The following CADPS variants were observed in gnomAD, a reference collection of about 807,000 sequenced individuals.
The protein encoded by CADPS is calcium-dependent secretion activator 1.
A neutral mutation model predicts 167.3 loss-of-function variants in CADPS; 57 were observed. The ratio of observed to expected loss-of-function variants is 0.34; its 90% confidence interval spans 0.28 to 0.42. CADPS has a LOEUF of 0.42. CADPS is among the 20% of genes least tolerant of loss of function. The pLI is 1.00. For missense variants in CADPS, 1,414 were observed against 1,738.1 expected, an observed-to-expected ratio of 0.81 and a Z score of 3.32; for synonymous variants, 676 against 635.3, an observed-to-expected ratio of 1.06 and a Z score of -0.96.
chr3:62,785,799 T>C (rs962675431), intron 1 of CADPS, among the ~76,000 whole-genome samples: 1 of 151,928 alleles, frequency 6.6e-6, no homozygotes, highest in Non-Finnish European at 1.5e-5. Flanking sequence ...CACTGAACCA[T>C]GACCTGTGCA....
intron 5 of CADPS, among the ~76,000 whole-genome samples, chr3:62,646,820 A>G (rs1047895880): frequency 6.6e-6 from 1 of 152,210 alleles, no homozygotes; most frequent in African/African-American, 2.4e-5. Flanking sequence ...AATGCTGACA[A>G]TAATTCAAAT....
chr3:62,608,829 T>C (rs1196114027), intron 6 of CADPS, among the ~76,000 whole-genome samples: 2 of 152,158 alleles, frequency 1.3e-5, no homozygotes, highest in African/African-American at 4.8e-5. Flanking sequence ...TTTGAAGGCT[T>C]ACCAACTGAT....
intron 3 of CADPS, among the ~76,000 whole-genome samples, chr3:62,670,002 TAGAG>T (rs2075222350): frequency 6.6e-6 from 1 of 152,164 alleles, no homozygotes; most frequent in Non-Finnish European, 1.5e-5. Context: ...TAGCTCGAGA[TAGAG>T]GGAATAATCC....
chr3:62,517,103 C>CTGCT (rs2069177230), intron 14 of CADPS, among the ~76,000 whole-genome samples: 1 of 152,148 alleles, frequency 6.6e-6, no homozygotes, highest in Non-Finnish European at 1.5e-5. Flanking sequence ...CTATCCTTCC[C>CTGCT]TGCTTGCGGT....
At chr3:62,506,668 G>A (rs966124293) in intron 17 of CADPS, among the ~76,000 whole-genome samples, 2 of 152,128 alleles carry the variant, frequency 1.3e-5, no homozygotes, top group African/African-American at 4.8e-5. Context: ...TTATTTTGGT[G>A]GGACTTCCAA....
chr3:62,531,661 G>C (rs1344724841), intron 13 of CADPS, among the ~76,000 whole-genome samples: 1 of 152,196 alleles, frequency 6.6e-6, no homozygotes, highest in Non-Finnish European at 1.5e-5. Context: ...AGCGACTTTT[G>C]CATCTGAGGC....
At chr3:62,715,891 A>G (rs6799571) in intron 3 of CADPS, among the ~76,000 whole-genome samples, 91,177 of 146,432 alleles carry the variant, frequency 0.62, 29,001 homozygotes, top group East Asian at 0.76. Context: ...AACTACAGGC[A>G]CCCGCCACCA....
At chr3:62,718,801 G>A (rs1358651012) in intron 3 of CADPS, among the ~76,000 whole-genome samples, 3 of 152,220 alleles carry the variant, frequency 2.0e-5, no homozygotes, top group South Asian at 2.1e-4. Flanking sequence ...GCACTGCTGT[G>A]CGTGGATATC....
At chr3:62,576,853 C>A (rs1460176159) in intron 8 of CADPS, among the ~76,000 whole-genome samples, 2 of 133,766 alleles carry the variant, frequency 1.5e-5, no homozygotes, top group Admixed American at 7.7e-5. Flanking sequence ...ATTTTGGGTG[C>A]ACATCTGTTG....
intron 1 of CADPS, among the ~76,000 whole-genome samples, chr3:62,794,446 A>G (rs1469106857): frequency 6.6e-6 from 1 of 152,182 alleles, no homozygotes. Flanking sequence ...AAATACACAT[A>G]TATTTAGTAA....
chr3:62,797,112 A>G (rs1313814334), intron 1 of CADPS, among the ~76,000 whole-genome samples: 1 of 152,192 alleles, frequency 6.6e-6, no homozygotes, highest in Non-Finnish European at 1.5e-5. Flanking sequence ...TGTATTATCC[A>G]ACCCAAAAGT....
At chr3:62,873,597 C>T (rs908910884) in intron 1 of CADPS, among the ~76,000 whole-genome samples, 1 of 148,654 alleles carries the variant, frequency 6.7e-6, no homozygotes, top group Non-Finnish European at 1.5e-5. Flanking sequence ...AGCTAAAGAA[C>T]AGCTGATAGA....
intron 3 of CADPS, among the ~76,000 whole-genome samples, chr3:62,731,377 A>G (rs748327216): frequency 1.3e-5 from 2 of 152,184 alleles, no homozygotes; most frequent in Non-Finnish European, 1.5e-5. Context: ...CTTTGGAGGT[A>G]TAAAGAAGTC....
At chr3:62,401,692 C>T (rs1283158255) in intron 29 of CADPS, among the ~76,000 whole-genome samples, 1 of 151,120 alleles carries the variant, frequency 6.6e-6, no homozygotes, top group East Asian at 1.9e-4. Flanking sequence ...GTTCCTTTGG[C>T]AGTGACTTTT....
chr3:62,484,484 T>C (rs941455349), intron 21 of CADPS, among the ~76,000 whole-genome samples: 3 of 152,186 alleles, frequency 2.0e-5, no homozygotes, highest in African/African-American at 7.2e-5. Context: ...AGAATCATAA[T>C]TGGATATCTC....
chr3:62,622,735 G>C (rs1055628115), intron 6 of CADPS, among the ~76,000 whole-genome samples: 3 of 150,850 alleles, frequency 2.0e-5, no homozygotes, highest in Admixed American at 2.0e-4. Flanking sequence ...AACCCAGGAG[G>C]AAAAAAAAAG....
chr3:62,659,587 A>G (rs1412832924), intron 4 of CADPS, among the ~76,000 whole-genome samples: 3 of 152,184 alleles, frequency 2.0e-5, no homozygotes, highest in Admixed American at 2.0e-4. Flanking sequence ...TCTTTTCCCT[A>G]TATGGAAGAA....
At chr3:62,700,783 G>A (rs1362826290) in intron 3 of CADPS, among the ~76,000 whole-genome samples, 1 of 152,112 alleles carries the variant, frequency 6.6e-6, no homozygotes, top group Non-Finnish European at 1.5e-5. Flanking sequence ...ACTCAAGGCT[G>A]CACAGTTAGT....
chr3:62,703,211 A>G (rs904873815), intron 3 of CADPS, among the ~76,000 whole-genome samples: 2 of 152,166 alleles, frequency 1.3e-5, no homozygotes, highest in African/African-American at 4.8e-5. Flanking sequence ...TACGCCCTTC[A>G]ACTCTTTGAG....
Sources: allele counts gnomAD v4.1 joint callset (sites outside exome capture counted in the v4.1 genomes callset), GRCh38; gene constraint gnomAD v4.1.1; transcripts MANE v1.5; gene names NCBI Gene and HGNC (gene_info 2026-07-23, HGNC 2026-07-21).